IL1RAPL2: variants seen among roughly 807,000 people sequenced by gnomAD.
The protein encoded by IL1RAPL2 is interleukin 1 receptor accessory protein like 2.
IL1RAPL2 carries 3 observed loss-of-function variants against 44.1 expected under a neutral mutation model. That is an observed-to-expected ratio of 0.07 (90% CI 0.03 to 0.18). The LOEUF (loss-of-function observed/expected upper bound fraction) is 0.18, where lower values mean the gene tolerates loss of function less well. Among genes scored for constraint, IL1RAPL2 ranks in the 10% least tolerant of loss-of-function variants. IL1RAPL2 has a pLI of 1.00. For missense variants in IL1RAPL2, 391 were observed against 496.4 expected (o/e 0.79, Z 2.02); for synonymous variants, 181 against 178.8 (o/e 1.01, Z -0.10).
At chrX:105,303,379 C>G (rs1223468062) in intron 5 of IL1RAPL2, among the ~76,000 whole-genome samples, 5 of 111,401 alleles carry the variant, frequency 4.5e-5, no homozygotes, top group Non-Finnish European at 9.4e-5. Context: ...GAGTTTTGAC[C>G]ACCCTGATCG....
intron 6 of IL1RAPL2, among the ~76,000 whole-genome samples, chrX:105,612,767 C>T (rs182736299): frequency 1.7e-3 from 191 of 112,084 alleles, no homozygotes; most frequent in African/African-American, 6.0e-3. Flanking sequence ...CTGAACTCTG[C>T]TAATGCCCTC....
At chrX:105,434,790 C>T (rs1196820593) in intron 5 of IL1RAPL2, among the ~76,000 whole-genome samples, 1 of 111,523 alleles carries the variant, frequency 9.0e-6, no homozygotes, top group East Asian at 2.8e-4. Context: ...TTTGCCCATG[C>T]CTATGTCCTG....
Position 105,550,145 on chromosome X carries a change from A to C in IL1RAPL2, c.772+65758A>C, listed in dbSNP as rs761665858. On this transcript the variant is annotated intron_variant, in intron 6 of 10. Transcript: ENST00000372582. ...CGAGAACTCTGAAATTGCCATTAAT[A>C]AAGAGGGAGAGGCAGGTGAATAGGC... 3.6e-5 allele frequency among the ~76,000 whole-genome samples: 4 copies of C among 112,091 alleles called. No individual in the cohort carries two copies. The South Asian group carries it at 1.5e-3, about 42-fold the overall frequency.
chrX:104,907,123 G>T (rs2147679123), intron 2 of IL1RAPL2, among the ~76,000 whole-genome samples: 1 of 111,180 alleles, frequency 9.0e-6, no homozygotes, highest in South Asian at 3.8e-4. Context: ...ATGGTAGTTT[G>T]TATTTCTGTG....
intron 2 of IL1RAPL2, among the ~76,000 whole-genome samples, chrX:104,733,280 T>C (rs1931955358): frequency 9.0e-6 from 1 of 111,325 alleles, no homozygotes; most frequent in South Asian, 3.7e-4. Flanking sequence ...AGAATGATTG[T>C]CTTGATATAA....
intron 2 of IL1RAPL2, among the ~76,000 whole-genome samples, chrX:104,902,872 A>C (rs956639012): frequency 5.4e-5 from 6 of 111,824 alleles, no homozygotes; most frequent in African/African-American, 1.9e-4. Context: ...AAAAGAAAAA[A>C]ATTATAAATT....
chrX:105,372,585 A>G lies in IL1RAPL2; in HGVS notation c.697+105044A>G, dbSNP rs777782629. Among the ~76,000 whole-genome samples, 7 of 111,297 alleles carry G rather than the reference A, an allele frequency of 6.3e-5. No homozygotes were observed. The South Asian group carries it at 2.7e-3, about 42-fold the overall frequency. On this transcript the variant is annotated intron_variant, in intron 5 of 10. Transcript: ENST00000372582. ...CGGATTATTTCTTCACCCAGGTATT[A>G]AGCCTAATATCCATTGGTCATTTTT...
chrX:104,778,492 C>T lies in IL1RAPL2; in HGVS notation c.82+119497C>T, dbSNP rs974401827. ...GGAGGATCGCTTGAGTCTGGGATGT[C>T]AAGGCTGCAGTGAGCTGTGATCCTG... is the stretch of plus-strand genomic sequence containing the variant. On this transcript the variant is annotated intron_variant, in intron 2 of 10. Transcript: ENST00000372582. Among the ~76,000 whole-genome samples, 13 of 107,831 alleles carry T rather than the reference C, an allele frequency of 1.2e-4. No individual in the cohort carries two copies. In the East Asian group the frequency reaches 3.4e-3, roughly 29 times the overall value. 93.6% of individuals were successfully genotyped at this position (107,831 alleles called of 115,157 possible).
At chrX:104,735,820 AAGCTGTGATACACG>A (rs1932003182) in intron 2 of IL1RAPL2, among the ~76,000 whole-genome samples, 1 of 111,441 alleles carries the variant, frequency 9.0e-6, no homozygotes, top group South Asian at 3.8e-4. Flanking sequence ...TGTGATACAC[AAGCTGTGATACACG>A]ATGTTAGTTA....
intron 5 of IL1RAPL2, among the ~76,000 whole-genome samples, chrX:105,308,895 C>T (rs1318855208): frequency 4.5e-5 from 5 of 111,595 alleles, no homozygotes; most frequent in Non-Finnish European, 9.4e-5. Context: ...TTTTATATCC[C>T]ACCAGCAATG....
intron 2 of IL1RAPL2, among the ~76,000 whole-genome samples, chrX:104,947,049 C>A (rs1188184293): frequency 1.8e-5 from 2 of 108,386 alleles, no homozygotes; most frequent in African/African-American, 6.8e-5. Context: ...AAAAGTGTTC[C>A]TATTTCTCCA....
chrX:104,632,684 A>C (rs1220352645), intron 1 of IL1RAPL2, among the ~76,000 whole-genome samples: 1 of 108,185 alleles, frequency 9.2e-6, no homozygotes. Flanking sequence ...ATTTTTGCAC[A>C]TTGATTTTGT....
At chrX:105,063,263 T>C (rs1238187135) in intron 2 of IL1RAPL2, among the ~76,000 whole-genome samples, 2 of 112,504 alleles carry the variant, frequency 1.8e-5, no homozygotes, top group Non-Finnish European at 3.7e-5. Context: ...TTTTCTATTA[T>C]TTTAATCTCT....
intron 2 of IL1RAPL2, among the ~76,000 whole-genome samples, chrX:104,821,840 A>C (rs1415502875): frequency 8.9e-6 from 1 of 112,007 alleles, no homozygotes; most frequent in Non-Finnish European, 1.9e-5. Flanking sequence ...ACAATGGTTG[A>C]ACTAATTTGC....
intron 2 of IL1RAPL2, among the ~76,000 whole-genome samples, chrX:104,927,411 TGA>T (rs1924798506): frequency 8.9e-6 from 1 of 111,744 alleles, no homozygotes; most frequent in Admixed American, 9.5e-5. Context: ...TCAGGAATGA[TGA>T]GTTATGAACA....
intron 4 of IL1RAPL2, among the ~76,000 whole-genome samples, chrX:105,248,013 A>G (rs2034236859): frequency 9.0e-6 from 1 of 111,243 alleles, no homozygotes; most frequent in Non-Finnish European, 1.9e-5. Context: ...ACATCCTTCC[A>G]CGTCTTCTAC....
At chrX:105,329,513 A>G (rs2034969112) in intron 5 of IL1RAPL2, among the ~76,000 whole-genome samples, 1 of 112,260 alleles carries the variant, frequency 8.9e-6, no homozygotes, top group South Asian at 3.6e-4. Flanking sequence ...GGAAATTAAA[A>G]GTAAACATTG....
At chrX:105,115,722 C>T (rs1449525213) in intron 2 of IL1RAPL2, among the ~76,000 whole-genome samples, 9 of 113,105 alleles carry the variant, frequency 8.0e-5, no homozygotes, top group Non-Finnish European at 1.1e-4. Context: ...CAGGTGGAGC[C>T]GCCTGCCAGT....
At chrX:105,015,182 T>C (rs1430577267) in intron 2 of IL1RAPL2, among the ~76,000 whole-genome samples, 1 of 110,864 alleles carries the variant, frequency 9.0e-6, no homozygotes, top group Non-Finnish European at 1.9e-5. Context: ...TGTAAATTTG[T>C]TTAAGTTATT....
Sources: gnomAD v4.1 joint callset for allele counts (sites outside exome capture counted in the v4.1 genomes callset) on GRCh38, gnomAD v4.1.1 for gene constraint, MANE v1.5 for transcripts, NCBI Gene and HGNC (gene_info 2026-07-23, HGNC 2026-07-21) for gene names.